The following FAM78B variants were observed in gnomAD, a reference collection of about 807,000 sequenced individuals.
FAM78B encodes family with sequence similarity 78 member B.
A neutral mutation model predicts 20.0 loss-of-function variants in FAM78B; 10 were observed. The observed-to-expected ratio is 0.50, with a 90% CI of 0.31 to 0.85. FAM78B has a LOEUF of 0.85. Ranked by LOEUF, FAM78B falls within the 40% of genes least tolerant of loss-of-function variation. The pLI is 0.05. For missense variants in FAM78B, 283 were observed against 345.0 expected (o/e 0.82, Z 1.42); for synonymous variants, 135 against 132.8 (o/e 1.02, Z -0.12).
exon 3 of FAM78B, chr1:166,060,491 T>A: frequency 1.4e-6 from 1 of 740,214 alleles, no homozygotes; most frequent in Non-Finnish European, 2.0e-6. Context: ...TAGGAGGGAC[T>A]GGTCACGGGA....
intron 1 of FAM78B, among the ~76,000 whole-genome samples, chr1:166,097,507 G>A (rs562939789): frequency 2.6e-4 from 39 of 152,342 alleles, no homozygotes; most frequent in African/African-American, 8.7e-4. Context: ...AGGGTCTGGG[G>A]ACTGTTGCGG....
intron 1 of FAM78B, among the ~76,000 whole-genome samples, chr1:166,128,108 G>T (rs932059821): frequency 1.3e-5 from 2 of 152,202 alleles, no homozygotes; most frequent in African/African-American, 4.8e-5. Context: ...TGTGGAAACT[G>T]AGAAATAGGA....
downstream of FAM78B, among the ~76,000 whole-genome samples, chr1:166,055,982 G>A (rs962922389): frequency 2.0e-5 from 3 of 152,150 alleles, no homozygotes; most frequent in African/African-American, 7.2e-5. Flanking sequence ...AGTGCCAATT[G>A]TTCTTTCCAG....
intron 1 of FAM78B, among the ~76,000 whole-genome samples, chr1:166,092,777 G>C (rs1393297647): frequency 6.6e-6 from 1 of 152,182 alleles, no homozygotes; most frequent in East Asian, 1.9e-4. Context: ...TGTCTAGTTA[G>C]TTATTTTTGT....
intron 1 of FAM78B, chr1:166,154,628 A>T: frequency 2.1e-6 from 1 of 467,386 alleles, no homozygotes; most frequent in Non-Finnish European, 4.5e-6. Context: ...CCCTCAGCAA[A>T]CCTGGCTGGG....
intron 1 of FAM78B, among the ~76,000 whole-genome samples, chr1:166,084,564 T>C (rs1187825465): frequency 6.6e-6 from 1 of 152,100 alleles, no homozygotes; most frequent in Admixed American, 6.5e-5. Context: ...AGAAATATAG[T>C]GGTTATTCCC....
intron 1 of FAM78B, among the ~76,000 whole-genome samples, chr1:166,129,183 C>T (rs982744848): frequency 3.9e-5 from 6 of 152,172 alleles, no homozygotes; most frequent in Admixed American, 2.6e-4. Flanking sequence ...TGTGGGCGCA[C>T]TCCTGTGTAT....
chr1:166,118,503 T>C (rs1439160830), intron 1 of FAM78B, among the ~76,000 whole-genome samples: 14 of 152,180 alleles, frequency 9.2e-5, no homozygotes, highest in Admixed American at 2.6e-4. Flanking sequence ...TTATGTGTCA[T>C]TTAATCCAGC....
intron 1 of FAM78B, among the ~76,000 whole-genome samples, chr1:166,080,090 G>A (rs985572416): frequency 1.3e-5 from 2 of 152,108 alleles, no homozygotes; most frequent in Non-Finnish European, 2.9e-5. Context: ...CGCTAGTGAG[G>A]GGCAGAATCA....
At chr1:166,137,592 G>T (rs893964824) in intron 1 of FAM78B, among the ~76,000 whole-genome samples, 21 of 151,846 alleles carry the variant, frequency 1.4e-4, no homozygotes, top group African/African-American at 4.6e-4. Context: ...CCCTGTGACT[G>T]AGTTTCCTCA....
intron 1 of FAM78B, among the ~76,000 whole-genome samples, chr1:166,130,934 G>A (rs1015148824): frequency 3.3e-5 from 5 of 151,492 alleles, no homozygotes; most frequent in African/African-American, 7.3e-5. Flanking sequence ...ACAAGGCTGC[G>A]GGCCCAGGAG....
chr1:166,076,202 C>T (rs914689906), intron 1 of FAM78B, among the ~76,000 whole-genome samples: 1 of 152,174 alleles, frequency 6.6e-6, no homozygotes, highest in Non-Finnish European at 1.5e-5. Context: ...TCCATGCCTC[C>T]TAAAGCACTC....
chr1:166,163,656 T>G (rs1199699244), intron 1 of FAM78B, among the ~76,000 whole-genome samples: 1 of 152,248 alleles, frequency 6.6e-6, no homozygotes, highest in Admixed American at 6.5e-5. Flanking sequence ...GCAACTTTCA[T>G]GCAATATGAA....
At chr1:166,155,020 G>A (rs1655839380) in intron 1 of FAM78B, among the ~76,000 whole-genome samples, 2 of 152,196 alleles carry the variant, frequency 1.3e-5, no homozygotes, top group Non-Finnish European at 1.5e-5. Context: ...ACAGAGGACT[G>A]CCTCTGGTGC....
At chr1:166,161,577 C>T (rs1270922339) in intron 1 of FAM78B, among the ~76,000 whole-genome samples, 2 of 152,156 alleles carry the variant, frequency 1.3e-5, no homozygotes, top group African/African-American at 4.8e-5. Flanking sequence ...AAAGTCTCTA[C>T]AAGAACAGGT....
intron 1 of FAM78B, among the ~76,000 whole-genome samples, chr1:166,135,956 A>T (rs572729383): frequency 6.6e-6 from 1 of 152,336 alleles, no homozygotes; most frequent in South Asian, 2.1e-4. Context: ...ACATATTAAC[A>T]AGAGATCTAG....
chr1:166,077,627 AC>A (rs1256614962), intron 1 of FAM78B, among the ~76,000 whole-genome samples: 2 of 141,060 alleles, frequency 1.4e-5, no homozygotes, highest in East Asian at 2.0e-4. Context: ...TATATATAAT[AC>A]ATATAATTAT....
At chr1:166,124,418 G>T (rs1464091391) in intron 1 of FAM78B, among the ~76,000 whole-genome samples, 2 of 152,206 alleles carry the variant, frequency 1.3e-5, no homozygotes, top group Non-Finnish European at 2.9e-5. Context: ...GCCAGGCACT[G>T]TTCTAGGCAT....
At chr1:166,081,732 G>A (rs142644332) in intron 1 of FAM78B, among the ~76,000 whole-genome samples, 120 of 152,246 alleles carry the variant, frequency 7.9e-4, no homozygotes, top group African/African-American at 2.8e-3. Context: ...CCAGGCTCTG[G>A]GGGTGCCAAG....
Sources: gnomAD v4.1 joint callset for allele counts (sites outside exome capture counted in the v4.1 genomes callset) on GRCh38, gnomAD v4.1.1 for gene constraint, MANE v1.5 for transcripts, NCBI Gene and HGNC (gene_info 2026-07-23, HGNC 2026-07-21) for gene names.